CDH23: variants seen among roughly 807,000 people sequenced by gnomAD.
CDH23 encodes cadherin-23.
A neutral mutation model predicts 317.1 loss-of-function variants in CDH23; 189 were observed. The ratio of observed to expected loss-of-function variants is 0.60; its 90% CI spans 0.53 to 0.67. The LOEUF (loss-of-function observed/expected upper bound fraction) is 0.67. Ranked by LOEUF, CDH23 falls within the 30% of genes least tolerant of loss-of-function variation. The probability of loss-of-function intolerance (pLI) is 0.00; values close to 1 mark genes in which losing one functional copy is unlikely to be tolerated. For synonymous variants in CDH23, 1,839 were observed against 1,876.8 expected (o/e 0.98, Z 0.52); for missense variants, 4,401 against 4,592.4 (o/e 0.96, Z 1.20).
chr10:71,643,132 G>T (rs1862644252), intron 11 of CDH23, among the ~76,000 whole-genome samples: 1 of 152,244 alleles, frequency 6.6e-6, no homozygotes, highest in African/African-American at 2.4e-5. Context: ...CAATCACCAA[G>T]ATGTAGTTCT....
At chr10:71,716,041 G>A (rs1396468987) in intron 28 of CDH23, 15 of 1,508,300 alleles carry the variant, frequency 9.9e-6, no homozygotes, top group African/African-American at 7.0e-5. Context: ...AGCTGTGCAG[G>A]GAGAGGCGCA....
At chr10:71,647,156 T>A in intron 14 of CDH23, 1 of 916,142 alleles carries the variant, frequency 1.1e-6, no homozygotes, top group Non-Finnish European at 1.3e-6. Context: ...TTGGCTCATG[T>A]AACTCAAAAG....
intron 6 of CDH23, among the ~76,000 whole-genome samples, chr10:71,525,558 G>C (rs557318888): frequency 6.6e-6 from 1 of 152,176 alleles, no homozygotes; most frequent in East Asian, 1.9e-4. Flanking sequence ...GCTGGGAAGA[G>C]GCCCCATGGA....
At position 71,791,329 on chromosome 10, in the gene CDH23, C is replaced by G; in HGVS notation, c.6247C>G (p.Pro2083Ala). The G allele has an allele frequency of 6.2e-7, 1 of 1,613,330 alleles. No homozygotes were observed. The highest frequency in any genetic ancestry group is 1.1e-5 in the South Asian group (1 of 90,832). The stretch of plus-strand genomic sequence containing the variant: ...CACTGTCCATCTGCTAGAGAACTGC[C>G]CGCCTGGTAAGCAGGGGACAGGCCC... The part of the protein sequence containing the change: ...TLTVHLLENC[P>A]PGFSVLQVTA... The change falls in exon 47 of 70, where the codon CCG (proline) becomes GCG (alanine). Residue 2083 changes from proline (P) to alanine (A), a missense_variant. Pro to Ala is a conservative substitution (Grantham distance 27, BLOSUM62 -1). Coordinates refer to ENST00000224721, the MANE Select transcript of CDH23 (RefSeq NM_022124.6).
rs1380405006 is a variant in CDH23 at position 71,800,665 on chromosome 10, C to G, written c.7392C>G (p.Asp2464Glu). The change falls in exon 53 of 70, where the codon GAC becomes GAG. Residue 2464 changes from aspartate to glutamate, a missense_variant. By Grantham distance (45) the Asp-to-Glu change is conservative. Around this residue, in one of 3 missense-constraint regions of CDH23, gnomAD observed 189 missense variants for 250.9 expected, o/e 0.75. Transcript: ENST00000224721. ...ACATCTATGTGCTGTCTTCTCTGGA[C>G]CGGGAGAAGAAGGACCACTATATCC... Reference protein sequence around the residue: ...TGDIYVLSSLDREKKDHYILT... With the variant: ...TGDIYVLSSLEREKKDHYILT... The G allele has an allele frequency of 6.2e-7, 1 of 1,613,936 alleles. No individual in the cohort carries two copies. Among genetic ancestry groups the G allele is most frequent in the South Asian group, 1.1e-5 (1 of 91,078 alleles).
At chr10:71,429,516 C>T (rs1408372458) in intron 1 of CDH23, among the ~76,000 whole-genome samples, 1 of 152,022 alleles carries the variant, frequency 6.6e-6, no homozygotes, top group East Asian at 1.9e-4. Flanking sequence ...GGGCTGGGAT[C>T]GAGAATCTGA....
intron 17 of CDH23, among the ~76,000 whole-genome samples, chr10:71,681,793 A>C (rs1864664213): frequency 1.3e-5 from 2 of 152,220 alleles, no homozygotes; most frequent in South Asian, 4.1e-4. Context: ...TTTTAAATGA[A>C]AATAAATAAA....
rs139409005 is a variant in CDH23 at position 71,797,200 on chromosome 10, G to T, written c.6809G>T (p.Arg2270Leu). ...VIDNASDLPE[R>L]SVSVPNAKLT... ...GACAATGCCAGCGACCTACCAGAGC[G>T]CTCTGTCAGTGTGCCAAATGGTAAG... is the stretch of plus-strand genomic sequence containing the variant. The change falls in exon 49 of 70, where the codon CGC becomes CTC. Residue 2270 changes from arginine (R) to leucine (L), a missense_variant. By Grantham distance (102) the Arg-to-Leu change is moderately radical. Coordinates refer to ENST00000224721, the MANE Select transcript of CDH23 (RefSeq NM_022124.6). The T allele has an allele frequency of 6.2e-7, 1 of 1,612,504 alleles. No homozygotes were observed. Among genetic ancestry groups the T allele is most frequent in the African/African-American group, 1.3e-5 (1 of 75,022 alleles).
At chr10:71,453,912 G>A (rs1412523118) in intron 3 of CDH23, among the ~76,000 whole-genome samples, 2 of 152,188 alleles carry the variant, frequency 1.3e-5, no homozygotes, top group Admixed American at 6.5e-5. Flanking sequence ...AGGTGGTATA[G>A]CCTGATAGAT....
Position 71,805,904 on chromosome 10 carries a change from C to A in CDH23, c.7971C>A (p.Gly2657=), listed in dbSNP as rs2132983701. 3.1e-6 allele frequency: 5 copies of A among 1,613,708 alleles called. No homozygotes were observed. The highest frequency in any genetic ancestry group is 4.2e-6 in the Non-Finnish European group (5 of 1,179,798). ...AVRYSFLKTA[G]NRDWEFFIID... is the part of the protein sequence containing the mutation. ...GCTACAGCTTCCTGAAGACTGCGGG[C>A]AACCGGGACTGGGAGTTCTTCATCA... The change falls in exon 56 of 70, where the codon GGC becomes GGA. Residue 2657 remains glycine (G), a synonymous_variant. Coordinates refer to ENST00000224721, the MANE Select transcript of CDH23 (RefSeq NM_022124.6).
intron 26 of CDH23, chr10:71,707,401 G>C (rs896552745): frequency 7.5e-7 from 1 of 1,331,610 alleles, no homozygotes; most frequent in South Asian, 2.0e-5. Flanking sequence ...ACAGAGCAGT[G>C]ACTTGGAGGA....
chr10:71,660,555 A>G (rs189618756), intron 14 of CDH23, among the ~76,000 whole-genome samples: 1 of 152,304 alleles, frequency 6.6e-6, no homozygotes, highest in Non-Finnish European at 1.5e-5. Context: ...CTCCCTTTTA[A>G]GGATACCTCC....
chr10:71,719,300 C>T (rs2132784305), intron 28 of CDH23, among the ~76,000 whole-genome samples: 1 of 152,294 alleles, frequency 6.6e-6, no homozygotes, highest in Non-Finnish European at 1.5e-5. Context: ...GGCCAGGAAT[C>T]ATCTGGAGGG....
chr10:71,522,322 C>T (rs971468897), intron 6 of CDH23, among the ~76,000 whole-genome samples: 2 of 152,148 alleles, frequency 1.3e-5, no homozygotes, highest in African/African-American at 4.8e-5. Flanking sequence ...CTCTCCCTTC[C>T]CTTAAAGGTA....
chr10:71,807,128 T>C (rs1345305872), intron 57 of CDH23, 149 bp from the exon 58 acceptor site: 6 of 1,016,084 alleles, frequency 5.9e-6, no homozygotes, highest in Non-Finnish European at 5.7e-6. Context: ...TTTGCTCCCT[T>C]GAGGTTACAA....
At chr10:71,668,760 G>A (rs1864018274) in intron 14 of CDH23, among the ~76,000 whole-genome samples, 1 of 152,156 alleles carries the variant, frequency 6.6e-6, no homozygotes, top group African/African-American at 2.4e-5. Flanking sequence ...TGCTGACTCA[G>A]GCCTCACCAG....
At chr10:71,405,432 CT>C (rs397824446) in intron 1 of CDH23, among the ~76,000 whole-genome samples, 14,938 of 130,596 alleles carry the variant, frequency 0.11, 729 homozygotes, top group South Asian at 0.17. Context: ...GGTAGACTAT[CT>C]TTTTTTTTTT....
At chr10:71,792,856 T>TAC (rs1841299073) in intron 47 of CDH23, among the ~76,000 whole-genome samples, 1 of 71,012 alleles carries the variant, frequency 1.4e-5, no homozygotes, top group African/African-American at 4.9e-5. Context: ...AAAAAAAATA[T>TAC]ATATATATAT....
intron 14 of CDH23, among the ~76,000 whole-genome samples, chr10:71,648,313 G>A (rs1319859625): frequency 6.6e-6 from 1 of 152,208 alleles, no homozygotes; most frequent in Admixed American, 6.5e-5. Flanking sequence ...GACCCAAAGT[G>A]TGTGTCTTTA....
Sources: allele counts gnomAD v4.1 joint callset (sites outside exome capture counted in the v4.1 genomes callset), GRCh38; gene constraint gnomAD v4.1.1; regional missense constraint gnomAD v4.1.1; transcripts MANE v1.5; gene names NCBI Gene and HGNC (gene_info 2026-07-23, HGNC 2026-07-21).